The following GANC variants were observed in gnomAD, a reference collection of about 807,000 sequenced individuals.
The protein encoded by GANC is neutral alpha-glucosidase C.
In GANC, 117 loss-of-function variants were observed where a neutral mutation model predicts 124.2. The observed-to-expected ratio is 0.94, with a 90% confidence interval of 0.81 to 1.10. The LOEUF (loss-of-function observed/expected upper bound fraction) is 1.10, where lower values mean the gene tolerates loss of function less well. GANC is among the 50% of genes least tolerant of loss of function. GANC has a pLI of 0.00. For synonymous variants in GANC, 377 were observed against 376.8 expected, an observed-to-expected ratio of 1.00 and a Z score of -0.01; for missense variants, 1,140 against 1,095.0, an observed-to-expected ratio of 1.04 and a Z score of -0.58.
At chr15:42,328,185 A>G (rs1157036270) in intron 13 of GANC, among the ~76,000 whole-genome samples, 1 of 152,212 alleles carries the variant, frequency 6.6e-6, no homozygotes. Context: ...TTTAACCACT[A>G]AACTGTAGTT....
At chr15:42,329,098 A>G (rs1484934111) in intron 13 of GANC, among the ~76,000 whole-genome samples, 5 of 152,224 alleles carry the variant, frequency 3.3e-5, no homozygotes, top group African/African-American at 4.8e-5. Flanking sequence ...AGATCTGTCT[A>G]TGGGCCAGGT....
intron 6 of GANC, among the ~76,000 whole-genome samples, chr15:42,301,167 A>G (rs1015646895): frequency 1.1e-4 from 17 of 152,178 alleles, no homozygotes; most frequent in African/African-American, 3.9e-4. Context: ...GCCCTGACTC[A>G]TCTCATTGGG....
intron 10 of GANC, among the ~76,000 whole-genome samples, chr15:42,313,240 CA>C (rs1486276607): frequency 4.3e-5 from 1 of 23,156 alleles, no homozygotes; most frequent in Non-Finnish European, 1.7e-3. Flanking sequence ...GTATCATATA[CA>C]AAAAAATAAA....
chr15:42,324,384 A>C (rs1041038267), intron 11 of GANC, among the ~76,000 whole-genome samples: 2 of 152,192 alleles, frequency 1.3e-5, no homozygotes, highest in Non-Finnish European at 2.9e-5. Flanking sequence ...AGTTCCTCAG[A>C]AATTTAAAAA....
chr15:42,283,566 A>G (rs1204582585), intron 3 of GANC: 5 of 679,652 alleles, frequency 7.4e-6, no homozygotes, highest in Admixed American at 2.1e-5. Flanking sequence ...ATGCTTTCTC[A>G]TGATATAGGT....
intron 22 of GANC, among the ~76,000 whole-genome samples, chr15:42,350,479 A>G (rs118166665): frequency 0.011 from 1,705 of 150,066 alleles, 14 homozygotes; most frequent in Non-Finnish European, 0.017. Context: ...TTCTTCAGTT[A>G]TTTTTCAAAT....
intron 10 of GANC, among the ~76,000 whole-genome samples, chr15:42,316,334 A>G (rs188697286): frequency 1.9e-3 from 282 of 152,254 alleles, no homozygotes; most frequent in African/African-American, 6.4e-3. Flanking sequence ...GGAGACTGGT[A>G]GTGGCCCTGA....
intron 6 of GANC, among the ~76,000 whole-genome samples, chr15:42,303,418 C>A (rs1276055651): frequency 6.6e-6 from 1 of 152,054 alleles, no homozygotes; most frequent in African/African-American, 2.4e-5. Flanking sequence ...ATTGTAAAGA[C>A]CATTGACACA....
intron 6 of GANC, among the ~76,000 whole-genome samples, chr15:42,302,651 A>C (rs1307347287): frequency 1.3e-5 from 2 of 152,198 alleles, no homozygotes; most frequent in Non-Finnish European, 2.9e-5. Flanking sequence ...AGTTTAGAGA[A>C]GAACATAAAT....
At chr15:42,324,563 C>T (rs905600585) in intron 11 of GANC, among the ~76,000 whole-genome samples, 1 of 151,860 alleles carries the variant, frequency 6.6e-6, no homozygotes, top group African/African-American at 2.4e-5. Context: ...CATTGACAGA[C>T]GAATATGTAA....
In GANC at chr15:42,340,848, C is replaced by T. The variant is rs2052324877; in HGVS notation, c.2152+94C>T. ...GTGATGCTATCTCGGCTCACTGCAA[C>T]CTCCGCCTCCCGGTTTCAAGAAATT... On this transcript the variant is annotated intron_variant, in intron 18 of 23. Coordinates refer to ENST00000318010, the MANE Select transcript of GANC (RefSeq NM_198141.3). The T allele has an allele frequency of 1.3e-5, 12 of 917,528 alleles. No individual in the cohort carries two copies. In the South Asian group the frequency reaches 1.8e-4, roughly 14 times the overall value. 56.8% of individuals were successfully genotyped at this position (917,528 alleles called of 1,614,324 possible).
intron 7 of GANC, among the ~76,000 whole-genome samples, chr15:42,307,101 T>C (rs980532611): frequency 6.6e-6 from 1 of 152,166 alleles, no homozygotes; most frequent in Admixed American, 6.5e-5. Context: ...GTTTGTCTCT[T>C]TAGGAGATAT....
At position 42,273,450 on chromosome 15, in the gene GANC, T is replaced by TC; in HGVS notation, c.-1029dup. Reference sequence around the variant, plus strand: ...AAGCATTTCACCCTCTTCCGGTTCGTCCCGCCTTCTTCCGGCTCTGCTCTA... The same window carrying TC: ...AAGCATTTCACCCTCTTCCGGTTCGTCCCCGCCTTCTTCCGGCTCTGCTCTA... On this transcript the variant is annotated 5_prime_UTR_variant, in exon 1 of 24. Coordinates refer to ENST00000318010, the MANE Select transcript of GANC (RefSeq NM_198141.3). 6.2e-7 allele frequency: 1 copy of TC among 1,607,546 alleles called. No homozygotes were observed. The highest frequency in any genetic ancestry group is 1.3e-5 in the African/African-American group (1 of 74,980).
chr15:42,321,488 GC>G (rs1376200900), intron 10 of GANC, among the ~76,000 whole-genome samples: 1 of 152,144 alleles, frequency 6.6e-6, no homozygotes, highest in Non-Finnish European at 1.5e-5. Flanking sequence ...CCTCTGTGAA[GC>G]CTTTCAAGAC....
rs1208946473 is a variant in GANC at position 42,321,834 on chromosome 15, C to G, written c.1107C>G (p.Arg369=). 1 of 1,614,106 alleles carries G rather than the reference C, an allele frequency of 6.2e-7. No homozygotes were observed. The highest frequency in any genetic ancestry group is 1.7e-5 in the Admixed American group (1 of 60,004). Reference sequence around the variant, plus strand: ...TCTCTTTGGGATACCACCAGTGCCGCTGGAACTATGAAGATGAGCAGGATG... The same window carrying G: ...TCTCTTTGGGATACCACCAGTGCCGGTGGAACTATGAAGATGAGCAGGATG... ...PLFSLGYHQC[R]WNYEDEQDVK... Residue 369 remains arginine, a synonymous_variant, in exon 11 of 24, where the codon CGC becomes CGG. Transcript: ENST00000318010.
intron 3 of GANC, chr15:42,283,530 C>A (rs2051754603): frequency 1.6e-6 from 1 of 641,206 alleles, no homozygotes; most frequent in South Asian, 1.8e-5. Flanking sequence ...ATGTCTGGAG[C>A]AATCTACTTT....
At chr15:42,317,554 A>G (rs1227474611) in intron 10 of GANC, among the ~76,000 whole-genome samples, 1 of 152,212 alleles carries the variant, frequency 6.6e-6, no homozygotes, top group South Asian at 2.1e-4. Context: ...AAATTTTGCT[A>G]TATATATTTT....
intron 3 of GANC, among the ~76,000 whole-genome samples, chr15:42,286,206 A>C (rs2051786544): frequency 6.6e-6 from 1 of 152,148 alleles, no homozygotes; most frequent in African/African-American, 2.4e-5. Flanking sequence ...TCCTCTAGAG[A>C]AATGTCCAGA....
chr15:42,342,857 T>C (rs997351176), intron 18 of GANC, among the ~76,000 whole-genome samples: 4 of 152,212 alleles, frequency 2.6e-5, no homozygotes, highest in African/African-American at 7.2e-5. Context: ...AGTGCATTAA[T>C]GACAGGCGAT....
Sources: allele counts gnomAD v4.1 joint callset (sites outside exome capture counted in the v4.1 genomes callset), GRCh38; gene constraint gnomAD v4.1.1; transcripts MANE v1.5; gene names NCBI Gene and HGNC (gene_info 2026-07-23, HGNC 2026-07-21).